PTPRK: variants seen among roughly 807,000 people sequenced by gnomAD.
PTPRK encodes protein tyrosine phosphatase receptor type K, also known as receptor-type tyrosine-protein phosphatase kappa.
A neutral mutation model predicts 178.0 loss-of-function variants in PTPRK; 75 were observed. The ratio of observed to expected loss-of-function variants is 0.42; its 90% confidence interval spans 0.35 to 0.51. The LOEUF is 0.51. PTPRK is among the 20% of genes least tolerant of loss of function. The pLI is 0.02. For synonymous variants in PTPRK, 637 were observed against 620.6 expected (o/e 1.03, Z -0.39); for missense variants, 1,441 against 1,797.8 (o/e 0.80, Z 3.59).
intron 7 of PTPRK, among the ~76,000 whole-genome samples, chr6:128,142,561 T>TAC (rs764229735): frequency 1.8e-3 from 279 of 151,054 alleles, no homozygotes; most frequent in Non-Finnish European, 3.1e-3. Flanking sequence ...AATATATATA[T>TAC]ACACACACAC....
chr6:128,227,538 TAA>T (rs1487366192), intron 5 of PTPRK, among the ~76,000 whole-genome samples: 2 of 152,206 alleles, frequency 1.3e-5, no homozygotes, highest in Non-Finnish European at 2.9e-5. Flanking sequence ...TAAAATCAGG[TAA>T]AGTTTCCTGA....
At chr6:128,456,703 G>C (rs1193193435) in intron 1 of PTPRK, among the ~76,000 whole-genome samples, 3 of 151,996 alleles carry the variant, frequency 2.0e-5, no homozygotes, top group African/African-American at 4.8e-5. Context: ...TTCTGAACTT[G>C]GACTATGGAC....
intron 6 of PTPRK, among the ~76,000 whole-genome samples, chr6:128,203,738 A>T (rs1806394810): frequency 6.6e-6 from 1 of 152,182 alleles, no homozygotes; most frequent in Non-Finnish European, 1.5e-5. Flanking sequence ...GACCTCTTCA[A>T]GGAAAACTAC....
intron 1 of PTPRK, among the ~76,000 whole-genome samples, chr6:128,505,658 T>C (rs1856232896): frequency 6.6e-6 from 1 of 152,108 alleles, no homozygotes; most frequent in African/African-American, 2.4e-5. Context: ...TTCTAACATC[T>C]GGAGTGCACA....
chr6:128,375,851 T>A (rs1259486777), intron 2 of PTPRK, among the ~76,000 whole-genome samples: 1 of 152,132 alleles, frequency 6.6e-6, no homozygotes, highest in South Asian at 2.1e-4. Flanking sequence ...ACAGGACCCA[T>A]GAAAGTCCAA....
chr6:128,405,999 CA>C (rs1166491408), intron 1 of PTPRK, among the ~76,000 whole-genome samples: 1 of 150,144 alleles, frequency 6.7e-6, no homozygotes, highest in Non-Finnish European at 1.5e-5. Context: ...ATCTTGAAAT[CA>C]AAAAACAAAA....
Position 128,519,737 on chromosome 6 carries a change from G to A in PTPRK, c.100+522C>T, listed in dbSNP as rs544461388. 4.5e-4 allele frequency among the ~76,000 whole-genome samples: 69 copies of A among 152,342 alleles called. No individual in the cohort carries two copies. Among genetic ancestry groups the A allele is most frequent in the African/African-American group, 1.6e-3 (68 of 41,586 alleles). ...CCAGAGCTGGGGGAGGAGAAAAGGG[G>A]ACTCCGGGAGGGACGGGGAAGTAGT... On this transcript the variant is annotated intron_variant, in intron 1 of 29. Coordinates refer to ENST00000368226, the MANE Select transcript of PTPRK (RefSeq NM_002844.4). This position sits in a 1 kb window ranked among gnomAD's most constrained non-coding sequence, Gnocchi z 4.3.
intron 7 of PTPRK, among the ~76,000 whole-genome samples, chr6:128,109,062 T>C (rs1010183787): frequency 1.3e-5 from 2 of 152,098 alleles, no homozygotes; most frequent in Admixed American, 6.6e-5. Flanking sequence ...CAGAACAGAA[T>C]GATAATTTCC....
chr6:128,065,388 A>G (rs534256082), intron 12 of PTPRK, among the ~76,000 whole-genome samples: 1 of 152,302 alleles, frequency 6.6e-6, no homozygotes, highest in South Asian at 2.1e-4. Flanking sequence ...CGGGTATACA[A>G]AGTAGAAGCA....
intron 6 of PTPRK, among the ~76,000 whole-genome samples, chr6:128,210,436 C>A (rs1807914700): frequency 1.0e-5 from 1 of 97,088 alleles, no homozygotes; most frequent in African/African-American, 4.1e-5. Flanking sequence ...TGCCATTTGG[C>A]CTTTAGGTAT....
At chr6:128,327,863 ATT>A (rs141184493) in intron 2 of PTPRK, among the ~76,000 whole-genome samples, 1 of 152,192 alleles carries the variant, frequency 6.6e-6, no homozygotes, top group Non-Finnish European at 1.5e-5. Context: ...TGAGAATCAG[ATT>A]TCCTTAAAGA....
intron 3 of PTPRK, among the ~76,000 whole-genome samples, chr6:128,290,419 A>G (rs1823195184): frequency 6.6e-6 from 1 of 152,100 alleles, no homozygotes; most frequent in Non-Finnish European, 1.5e-5. Context: ...GACCAAAGCC[A>G]TCAGTATCCA....
At chr6:128,227,155 G>T (rs1182584047) in intron 5 of PTPRK, among the ~76,000 whole-genome samples, 1 of 152,054 alleles carries the variant, frequency 6.6e-6, no homozygotes, top group Non-Finnish European at 1.5e-5. Context: ...GTCAAACAAA[G>T]AAACAAGAAC....
chr6:128,041,267 C>A (rs1777120405), intron 13 of PTPRK, among the ~76,000 whole-genome samples: 1 of 152,050 alleles, frequency 6.6e-6, no homozygotes, highest in Non-Finnish European at 1.5e-5. Context: ...ATAGTGGTCA[C>A]CATTCATTCA....
chr6:128,097,153 C>T (rs1788053698), intron 7 of PTPRK, among the ~76,000 whole-genome samples: 1 of 152,224 alleles, frequency 6.6e-6, no homozygotes, highest in African/African-American at 2.4e-5. Flanking sequence ...GTGAGGGAGC[C>T]TCAGGTCCAG....
chr6:128,292,756 C>T (rs1583946699), intron 3 of PTPRK, among the ~76,000 whole-genome samples: 1 of 151,996 alleles, frequency 6.6e-6, no homozygotes, highest in East Asian at 1.9e-4. Flanking sequence ...TGACATATAT[C>T]CATTATAGTA....
chr6:128,000,725 A>G lies in PTPRK; in HGVS notation c.2495-1821T>C, dbSNP rs142596055. ...AGAAGCAATTGATTTGGGCACTGCCACAGAATATACAGTTAAGGATGAGAA... is the reference window on the plus strand; with the variant it reads ...AGAAGCAATTGATTTGGGCACTGCCGCAGAATATACAGTTAAGGATGAGAA... On this transcript the variant is annotated intron_variant, in intron 15 of 29. Transcript: ENST00000368226. Among the ~76,000 whole-genome samples the G allele has an allele frequency of 8.7e-3, 1,329 of 152,174 alleles. 20 individuals are homozygous for G. The highest frequency in any genetic ancestry group is 0.03 in the African/African-American group (1,249 of 41,546).
intron 2 of PTPRK, among the ~76,000 whole-genome samples, chr6:128,327,166 A>G (rs1192367856): frequency 6.6e-6 from 1 of 152,144 alleles, no homozygotes; most frequent in Non-Finnish European, 1.5e-5. Context: ...GATTTTATAC[A>G]TTAATTATTT....
intron 22 of PTPRK, among the ~76,000 whole-genome samples, chr6:127,984,677 CAG>C (rs1246770405): frequency 2.0e-5 from 3 of 152,124 alleles, no homozygotes; most frequent in Non-Finnish European, 4.4e-5. Flanking sequence ...CCTTGTTATT[CAG>C]ATTTGGTCAC....
Sources: gnomAD v4.1 joint callset for allele counts (sites outside exome capture counted in the v4.1 genomes callset) on GRCh38, gnomAD v4.1.1 for gene constraint, Gnocchi (gnomAD v3.1) non-coding constraint, MANE v1.5 for transcripts, NCBI Gene and HGNC (gene_info 2026-07-23, HGNC 2026-07-21) for gene names.